Variants in CYP39A1 observed in about 807,000 individuals in gnomAD.
CYP39A1 encodes 24-hydroxycholesterol 7-alpha-hydroxylase.
In CYP39A1, 49 loss-of-function variants were observed where a neutral mutation model predicts 58.1. The observed-to-expected ratio is 0.84, with a 90% CI of 0.67 to 1.07. The LOEUF is 1.07. CYP39A1 is among the 50% of genes least tolerant of loss of function. The pLI is 0.00. For synonymous variants in CYP39A1, 209 were observed against 187.6 expected (o/e 1.11, Z -0.93); for missense variants, 531 against 539.4 (o/e 0.98, Z 0.16).
At chr6:46,627,184 A>G (rs1582432014) in intron 6 of CYP39A1, among the ~76,000 whole-genome samples, 1 of 152,152 alleles carries the variant, frequency 6.6e-6, no homozygotes, top group South Asian at 2.1e-4. Context: ...CCCATTATCC[A>G]ATCACCTCCC....
intron 10 of CYP39A1, among the ~76,000 whole-genome samples, chr6:46,573,094 T>C (rs1192659269): frequency 6.6e-6 from 1 of 152,142 alleles, no homozygotes; most frequent in Admixed American, 6.5e-5. Context: ...CTCTTGTATC[T>C]TGCTGAGCTT....
chr6:46,577,758 T>C (rs1771917458), intron 10 of CYP39A1, among the ~76,000 whole-genome samples: 2 of 141,364 alleles, frequency 1.4e-5, no homozygotes, highest in African/African-American at 5.9e-5. Context: ...AATCTAATGC[T>C]GAAGCACCCA....
chr6:46,636,487 A>C lies in CYP39A1; in HGVS notation c.639-5T>G. ...TTTTTGGATTTTGACCAGTTTCTAC[A>C]TGAGAAAAAATATATATAGAAATTA... On this transcript the variant is annotated splice_polypyrimidine_tract_variant and splice_region_variant and intron_variant, in intron 4 of 11. Transcript: ENST00000275016. The C allele has an allele frequency of 6.4e-7, 1 of 1,572,750 alleles. No homozygotes were observed. Among genetic ancestry groups the C allele is most frequent in the East Asian group, 2.3e-5 (1 of 44,356 alleles).
intron 10 of CYP39A1, among the ~76,000 whole-genome samples, chr6:46,573,372 C>T (rs893244290): frequency 1.6e-4 from 25 of 152,128 alleles, no homozygotes; most frequent in Non-Finnish European, 2.9e-5. Context: ...TGTGCAGTTC[C>T]ATCAGCTGTA....
At chr6:46,636,572 A>T (rs1250943862) in intron 4 of CYP39A1, 90 bp from the exon 5 acceptor site, 1 of 775,810 alleles carries the variant, frequency 1.3e-6, no homozygotes, top group Non-Finnish European at 2.1e-6. Flanking sequence ...CTGTGGAATT[A>T]AAATTAGTTC....
At chr6:46,568,419 G>T (rs1297160854) in intron 10 of CYP39A1, among the ~76,000 whole-genome samples, 1 of 151,930 alleles carries the variant, frequency 6.6e-6, no homozygotes, top group African/African-American at 2.4e-5. Flanking sequence ...GTCCAATTTT[G>T]TCTATTTTTC....
At position 46,616,179 on chromosome 6, in the gene CYP39A1, C is replaced by A. The variant is rs1320145160; in HGVS notation, c.931+9239G>T. 2.1e-3 allele frequency among the ~76,000 whole-genome samples: 65 copies of A among 30,334 alleles called. 4 individuals carry two copies. The highest frequency in any genetic ancestry group is 6.9e-3 in the African/African-American group (49 of 7,082). The allele number at this position is 30,334 out of a possible 152,430, so 19.9% of individuals were successfully genotyped here. The stretch of plus-strand genomic sequence containing the variant: ...TTCTTTCTTTTTTCTTTCTTTCTTT[C>A]TTTCTTTCTTCTTTCCCTCCCTCCC... On this transcript the variant is annotated intron_variant, in intron 7 of 11. Coordinates refer to ENST00000275016, the MANE Select transcript of CYP39A1 (RefSeq NM_016593.5).
intron 5 of CYP39A1, among the ~76,000 whole-genome samples, chr6:46,632,908 G>C (rs1197001229): frequency 6.6e-6 from 1 of 151,666 alleles, no homozygotes; most frequent in Non-Finnish European, 1.5e-5. Context: ...CTTTGATTCA[G>C]ATACTATGAC....
In CYP39A1 at chr6:46,637,909, T is replaced by G. The variant is rs375206572; in HGVS notation, c.558A>C (p.Lys186Asn). 63 of 1,613,040 alleles carry G rather than the reference T, an allele frequency of 3.9e-5. No homozygotes were observed. The highest frequency in any genetic ancestry group is 4.0e-5 in the Non-Finnish European group (47 of 1,179,796). Residue 186 changes from lysine to asparagine, a missense_variant, in exon 4 of 12, where the codon AAA (lysine) becomes AAC (asparagine). Physicochemically the swap from Lys to Asn is moderately conservative, Grantham distance 94 (BLOSUM62 0). Transcript: ENST00000275016. Reference sequence around the variant, plus strand: ...GAAAATACTGATGGAACTCCTTGATTTTTTTCTTGTTTGTGGAAAACAAAC... The same window carrying G: ...GAAAATACTGATGGAACTCCTTGATGTTTTTCTTGTTTGTGGAAAACAAAC... ...NKSLFSTNKK[K>N]IKEFHQYFQV...
At chr6:46,632,910 T>C (rs1250651427) in intron 5 of CYP39A1, among the ~76,000 whole-genome samples, 1 of 151,914 alleles carries the variant, frequency 6.6e-6, no homozygotes, top group East Asian at 1.9e-4. Context: ...TTGATTCAGA[T>C]ACTATGACAC....
intron 1 of CYP39A1, among the ~76,000 whole-genome samples, chr6:46,650,805 A>G (rs937878453): frequency 6.6e-6 from 1 of 152,160 alleles, no homozygotes; most frequent in Non-Finnish European, 1.5e-5. Context: ...TGTGAGACAC[A>G]GAGTCCAGCA....
chr6:46,622,686 A>C (rs935244176), intron 7 of CYP39A1, among the ~76,000 whole-genome samples: 1 of 152,170 alleles, frequency 6.6e-6, no homozygotes, highest in Non-Finnish European at 1.5e-5. Context: ...GCAGATAATG[A>C]AGACTTAGGA....
intron 10 of CYP39A1, among the ~76,000 whole-genome samples, chr6:46,556,887 A>G (rs939213110): frequency 2.0e-5 from 3 of 152,190 alleles, no homozygotes; most frequent in Non-Finnish European, 4.4e-5. Context: ...ACCTCAATCC[A>G]AGAGAAAGCC....
At chr6:46,624,382 C>G (rs1775172038) in intron 7 of CYP39A1, among the ~76,000 whole-genome samples, 1 of 152,132 alleles carries the variant, frequency 6.6e-6, no homozygotes, top group Non-Finnish European at 1.5e-5. Context: ...CTCTTATATT[C>G]ACCAGTGTCT....
intron 7 of CYP39A1, among the ~76,000 whole-genome samples, chr6:46,607,704 A>C (rs1773933469): frequency 6.6e-6 from 1 of 152,174 alleles, no homozygotes; most frequent in Non-Finnish European, 1.5e-5. Context: ...TGGGGTTGCA[A>C]AGTGGAGTTG....
rs147558073 is a variant in CYP39A1 at position 46,633,578 on chromosome 6, G to T, written c.733-2508C>A. 4.9e-3 allele frequency among the ~76,000 whole-genome samples: 744 copies of T among 152,128 alleles called. 24 individuals are homozygous for T. The highest frequency in any genetic ancestry group is 0.044 in the Admixed American group (667 of 15,272). On this transcript the variant is annotated intron_variant, in intron 5 of 11. Coordinates refer to ENST00000275016, the MANE Select transcript of CYP39A1 (RefSeq NM_016593.5). ...ATATTAATATAAAAACATTAGCTCG[G>T]CCAGGCACGGTGGCTCACGCCTGTA...
chr6:46,550,311 G>T lies in CYP39A1; in HGVS notation c.*55C>A. 6.9e-7 allele frequency: 1 copy of T among 1,448,380 alleles called. No homozygotes were observed. Among genetic ancestry groups the T allele is most frequent in the Non-Finnish European group, 9.6e-7 (1 of 1,039,252 alleles). The allele number at this position is 1,448,380 out of a possible 1,614,324, so 89.7% of individuals were successfully genotyped here. A position where few individuals can be genotyped will look rare whatever the true frequency, so the allele number is the denominator to read the frequency against. On this transcript the variant is annotated 3_prime_UTR_variant, in exon 12 of 12. Transcript: ENST00000275016. ...AGAGCTCAGGTCTAGGTGCTGCCAG[G>T]TGGGGTAGTGCCACTCCTCCAGAAG... is the stretch of plus-strand genomic sequence containing the variant.
chr6:46,557,172 C>T (rs1309505714), intron 10 of CYP39A1, among the ~76,000 whole-genome samples: 1 of 151,476 alleles, frequency 6.6e-6, no homozygotes, highest in Non-Finnish European at 1.5e-5. Flanking sequence ...GAATAAAAGC[C>T]TATAAAAATA....
intron 10 of CYP39A1, among the ~76,000 whole-genome samples, chr6:46,564,133 TTATTCTATTCTATTTTATTC>T (rs1771143407): frequency 1.6e-5 from 2 of 128,620 alleles, no homozygotes; most frequent in South Asian, 2.4e-4. Flanking sequence ...TTATTCTATT[TTATTCTATTCTATTTTATTC>T]TATTTTATTC....
Sources: allele counts gnomAD v4.1 joint callset (sites outside exome capture counted in the v4.1 genomes callset), GRCh38; gene constraint gnomAD v4.1.1; transcripts MANE v1.5; gene names NCBI Gene and HGNC (gene_info 2026-07-23, HGNC 2026-07-21).